The following NKAIN2 variants were observed in gnomAD, a reference collection of about 807,000 sequenced individuals.
NKAIN2 encodes sodium/potassium transporting ATPase interacting 2, also known as sodium/potassium-transporting ATPase subunit beta-1-interacting protein 2.
A neutral mutation model predicts 32.6 loss-of-function variants in NKAIN2; 14 were observed. That is an observed-to-expected ratio of 0.43 (90% CI 0.28 to 0.67). The LOEUF is 0.67. Ranked by LOEUF, NKAIN2 falls within the 30% of genes least tolerant of loss-of-function variation. The pLI, the probability that NKAIN2 is intolerant of heterozygous loss-of-function variation, is 0.17. For missense variants in NKAIN2, 198 were observed against 258.3 expected, an observed-to-expected ratio of 0.77 and a Z score of 1.60; for synonymous variants, 80 against 87.2, an observed-to-expected ratio of 0.92 and a Z score of 0.46.
At chr6:123,960,162 A>G (rs973123845) in intron 1 of NKAIN2, among the ~76,000 whole-genome samples, 5 of 152,140 alleles carry the variant, frequency 3.3e-5, no homozygotes, top group Non-Finnish European at 7.4e-5. Context: ...ATCTAGTTCT[A>G]CTTTCTAAAA....
chr6:123,975,922 G>GTGGGAGGGA (rs1562286934), intron 1 of NKAIN2, among the ~76,000 whole-genome samples: 1 of 151,968 alleles, frequency 6.6e-6, no homozygotes, highest in Non-Finnish European at 1.5e-5. Flanking sequence ...CCTACATGTC[G>GTGGGAGGGA]CGGGAGGGAC....
chr6:124,168,748 A>G (rs1788698650), intron 1 of NKAIN2, among the ~76,000 whole-genome samples: 1 of 152,138 alleles, frequency 6.6e-6, no homozygotes, highest in Non-Finnish European at 1.5e-5. Flanking sequence ...TAATGATAGT[A>G]ACAGCCTCTT....
intron 1 of NKAIN2, among the ~76,000 whole-genome samples, chr6:123,839,879 G>C (rs1562211611): frequency 6.6e-6 from 1 of 152,040 alleles, no homozygotes; most frequent in Non-Finnish European, 1.5e-5. Flanking sequence ...AAATGTTACA[G>C]AAAACATGCT....
chr6:124,739,034 A>G (rs1399119403), intron 4 of NKAIN2, among the ~76,000 whole-genome samples: 2 of 151,896 alleles, frequency 1.3e-5, no homozygotes, highest in Admixed American at 1.3e-4. Context: ...TAGATAATGC[A>G]TATAACTACC....
At chr6:124,051,918 C>G (rs1018690913) in intron 1 of NKAIN2, among the ~76,000 whole-genome samples, 2 of 151,880 alleles carry the variant, frequency 1.3e-5, no homozygotes, top group Non-Finnish European at 2.9e-5. Context: ...AAGGAGGAAA[C>G]TCAAAGTAGT....
chr6:123,905,360 T>C (rs1774813750), intron 1 of NKAIN2, among the ~76,000 whole-genome samples: 1 of 152,160 alleles, frequency 6.6e-6, no homozygotes, highest in Non-Finnish European at 1.5e-5. Flanking sequence ...GAATCCTGAA[T>C]GTTTTGTAAG....
At chr6:124,127,566 A>G (rs1033067945) in intron 1 of NKAIN2, among the ~76,000 whole-genome samples, 9 of 152,172 alleles carry the variant, frequency 5.9e-5, no homozygotes, top group African/African-American at 1.9e-4. Flanking sequence ...TTCACATGCC[A>G]TATTTTAGGA....
At chr6:124,018,194 C>T (rs1425029061) in intron 1 of NKAIN2, among the ~76,000 whole-genome samples, 1 of 152,164 alleles carries the variant, frequency 6.6e-6, no homozygotes, top group African/African-American at 2.4e-5. Flanking sequence ...CCCCATTTAG[C>T]CATGGTTGGA....
intron 4 of NKAIN2, among the ~76,000 whole-genome samples, chr6:124,706,877 C>T (rs1775104256): frequency 6.6e-6 from 1 of 151,914 alleles, no homozygotes; most frequent in Non-Finnish European, 1.5e-5. Context: ...TTTTAGGGTA[C>T]ATGTACACAT....
chr6:124,533,299 G>A (rs1401300456), intron 3 of NKAIN2, among the ~76,000 whole-genome samples: 2 of 151,550 alleles, frequency 1.3e-5, no homozygotes, highest in East Asian at 2.0e-4. Flanking sequence ...GTGAAACCCC[G>A]TCTGTACTAA....
intron 1 of NKAIN2, among the ~76,000 whole-genome samples, chr6:123,869,618 A>C (rs771304516): frequency 6.6e-6 from 1 of 152,242 alleles, no homozygotes; most frequent in Non-Finnish European, 1.5e-5. Flanking sequence ...AATTGGATTC[A>C]TATCAATTTC....
At chr6:124,039,513 T>A (rs1781767105) in intron 1 of NKAIN2, among the ~76,000 whole-genome samples, 1 of 151,976 alleles carries the variant, frequency 6.6e-6, no homozygotes, top group Non-Finnish European at 1.5e-5. Context: ...CTACATTATT[T>A]TGTTTTGAGT....
At chr6:124,585,269 T>C (rs1781671848) in intron 3 of NKAIN2, among the ~76,000 whole-genome samples, 1 of 152,106 alleles carries the variant, frequency 6.6e-6, no homozygotes, top group Non-Finnish European at 1.5e-5. Context: ...ACAATTGCAC[T>C]CATGGGGATA....
intron 3 of NKAIN2, among the ~76,000 whole-genome samples, chr6:124,642,962 T>C (rs927339304): frequency 6.6e-6 from 1 of 151,816 alleles, no homozygotes; most frequent in African/African-American, 2.4e-5. Context: ...CTCAGGAGAG[T>C]AGTCTGGGTA....
chr6:124,779,904 G>A (rs1345634018), intron 4 of NKAIN2, among the ~76,000 whole-genome samples: 1 of 152,160 alleles, frequency 6.6e-6, no homozygotes, highest in Non-Finnish European at 1.5e-5. Context: ...AAAAATGAAT[G>A]GTTGTTACTT....
intron 3 of NKAIN2, among the ~76,000 whole-genome samples, chr6:124,357,624 T>C (rs1190614966): frequency 6.6e-6 from 1 of 152,220 alleles, no homozygotes; most frequent in African/African-American, 2.4e-5. Flanking sequence ...GTTGACATTC[T>C]GTGGGCTTTA....
At chr6:123,935,911 A>G (rs1048681886) in intron 1 of NKAIN2, among the ~76,000 whole-genome samples, 2 of 151,966 alleles carry the variant, frequency 1.3e-5, no homozygotes, top group African/African-American at 4.8e-5. Flanking sequence ...TTTTTTGTTC[A>G]CTCTTTCTTT....
chr6:124,222,193 G>A (rs1450354796), intron 1 of NKAIN2, among the ~76,000 whole-genome samples: 2 of 152,126 alleles, frequency 1.3e-5, no homozygotes, highest in Non-Finnish European at 2.9e-5. Flanking sequence ...GGATGTTAAG[G>A]GGTGAATTTC....
chr6:124,410,736 A>T (rs1392965391), intron 3 of NKAIN2, among the ~76,000 whole-genome samples: 1 of 152,164 alleles, frequency 6.6e-6, no homozygotes, highest in Non-Finnish European at 1.5e-5. Context: ...GCTGAGTTCA[A>T]TTCCTGGATA....
Sources: gnomAD v4.1 joint callset for allele counts (sites outside exome capture counted in the v4.1 genomes callset) on GRCh38, gnomAD v4.1.1 for gene constraint, MANE v1.5 for transcripts, NCBI Gene and HGNC (gene_info 2026-07-23, HGNC 2026-07-21) for gene names.